ZNF365: variants seen among roughly 807,000 people sequenced by gnomAD.
ZNF365 encodes zinc finger protein 365.
A neutral mutation model predicts 35.0 loss-of-function variants in ZNF365; 22 were observed. The ratio of observed to expected loss-of-function variants is 0.63; its 90% CI spans 0.45 to 0.90. The LOEUF (loss-of-function observed/expected upper bound fraction) is 0.90, where lower values mean the gene tolerates loss of function less well. Ranked by LOEUF, ZNF365 falls within the 40% of genes least tolerant of loss-of-function variation. The pLI, the probability that ZNF365 is intolerant of heterozygous loss-of-function variation, is 0.00. For missense variants in ZNF365, 448 were observed against 500.3 expected (o/e 0.90, Z 1.00); for synonymous variants, 188 against 196.2 (o/e 0.96, Z 0.35).
intron 3 of ZNF365, among the ~76,000 whole-genome samples, chr10:62,459,032 A>G (rs942784840): frequency 6.6e-6 from 1 of 152,242 alleles, no homozygotes; most frequent in African/African-American, 2.4e-5. Context: ...TGTTGGATCT[A>G]AAACCTAACT....
chr10:62,444,240 G>A (rs1840547607), intron 3 of ZNF365, among the ~76,000 whole-genome samples: 1 of 152,136 alleles, frequency 6.6e-6, no homozygotes, highest in South Asian at 2.1e-4. Flanking sequence ...GCCCTGGGAG[G>A]CTGATCCCTG....
intron 4 of ZNF365, among the ~76,000 whole-genome samples, chr10:62,471,162 C>T (rs759450586): frequency 5.3e-5 from 8 of 151,934 alleles, no homozygotes; most frequent in African/African-American, 1.7e-4. Context: ...GTCAGGAGAT[C>T]GAGATCATCC....
intron 3 of ZNF365, among the ~76,000 whole-genome samples, chr10:62,420,024 T>G (rs1419040352): frequency 1.3e-5 from 2 of 152,174 alleles, no homozygotes; most frequent in Non-Finnish European, 2.9e-5. Flanking sequence ...AATGAGATTT[T>G]GTTTTATATT....
intron 3 of ZNF365, among the ~76,000 whole-genome samples, chr10:62,408,006 G>A (rs957334972): frequency 1.3e-5 from 2 of 152,172 alleles, no homozygotes; most frequent in Non-Finnish European, 2.9e-5. Flanking sequence ...AGCAGCCATA[G>A]AAAATGAGTA....
At chr10:62,476,086 T>C (rs1841125810) in intron 4 of ZNF365, among the ~76,000 whole-genome samples, 1 of 152,036 alleles carries the variant, frequency 6.6e-6, no homozygotes, top group Non-Finnish European at 1.5e-5. Flanking sequence ...GTTCTATGTC[T>C]ATTTTTTTGT....
chr10:62,463,515 G>A (rs529932533), intron 4 of ZNF365, among the ~76,000 whole-genome samples: 2 of 152,358 alleles, frequency 1.3e-5, no homozygotes, highest in African/African-American at 2.4e-5. Context: ...GGACAAATAT[G>A]TGCGGCTTTG....
chr10:62,395,979 A>G (rs1004083315), intron 3 of ZNF365, among the ~76,000 whole-genome samples: 2 of 152,176 alleles, frequency 1.3e-5, no homozygotes, highest in African/African-American at 4.8e-5. Context: ...AAAGAAGACA[A>G]AAGTGTTGGA....
rs1437576959 is a variant in ZNF365, at chr10:62,401,336, A to G, written c.*1547A>G. The G allele has an allele frequency of 1.0e-6, 1 of 985,440 alleles. No individual in the cohort carries two copies. Among genetic ancestry groups the G allele is most frequent in the Non-Finnish European group, 1.2e-6 (1 of 829,944 alleles). 61.0% of individuals were successfully genotyped at this position (985,440 alleles called of 1,614,324 possible). A position where few individuals can be genotyped will look rare whatever the true frequency, so the allele number is the denominator to read the frequency against. On this transcript the variant is annotated 3_prime_UTR_variant, in exon 5 of 5. Coordinates refer to ENST00000395254, the MANE Select transcript of ZNF365 (RefSeq NM_014951.3). ...GCAGAATTATGATTGTTACTGCAAT[A>G]AGCATCAAATTAGCAGCGCATTAAA... is the stretch of plus-strand genomic sequence containing the variant.
At position 62,376,679 on chromosome 10, in the gene ZNF365, A is replaced by G. The variant is rs1318494409; in HGVS notation, c.486A>G (p.Arg162=). Residue 162 remains arginine (R), a synonymous_variant, in exon 2 of 5, where the codon AGA becomes AGG. Coordinates refer to ENST00000395254, the MANE Select transcript of ZNF365 (RefSeq NM_014951.3). The part of the protein sequence containing the change: ...DTKASFEAHV[R]EKFNRMVEAV... ...AAGCTTCTTTCGAGGCACATGTCAGAGAAAAATTCAATCGAATGGTTGAGG... is the reference window on the plus strand; with the variant it reads ...AAGCTTCTTTCGAGGCACATGTCAGGGAAAAATTCAATCGAATGGTTGAGG... 1 of 1,614,190 alleles carries G rather than the reference A, an allele frequency of 6.2e-7. No individual in the cohort carries two copies. The highest frequency in any genetic ancestry group is 8.5e-7 in the Non-Finnish European group (1 of 1,180,032).
At chr10:62,407,462 G>A (rs191898486) in intron 3 of ZNF365, among the ~76,000 whole-genome samples, 15 of 152,220 alleles carry the variant, frequency 9.9e-5, no homozygotes, top group Admixed American at 2.6e-4. Flanking sequence ...TAAAGAATGC[G>A]GTTCCCACAT....
intron 3 of ZNF365, among the ~76,000 whole-genome samples, chr10:62,416,959 T>C (rs987916486): frequency 6.6e-6 from 1 of 152,074 alleles, no homozygotes; most frequent in Admixed American, 6.6e-5. Flanking sequence ...CTTGAAGGCA[T>C]GTTTCTCAGT....
In ZNF365 at chr10:62,400,689, C is replaced by T. The variant is rs937239833; in HGVS notation, c.*900C>T. 4.7e-5 allele frequency: 46 copies of T among 985,468 alleles called. No individual in the cohort carries two copies. The highest frequency in any genetic ancestry group is 5.2e-5 in the Non-Finnish European group (43 of 830,030). 61.0% of individuals were successfully genotyped at this position (985,468 alleles called of 1,614,324 possible). A position where few individuals can be genotyped will look rare whatever the true frequency, so the allele number is the denominator to read the frequency against. On this transcript the variant is annotated 3_prime_UTR_variant, in exon 5 of 5. Transcript: ENST00000395254. The stretch of plus-strand genomic sequence containing the variant: ...GGAAGCACTGCGGGTGTCGCCAAGC[C>T]CTTTCCTAAGACCTGCTTCCCGGCC...
chr10:62,406,476 C>T (rs547235487), downstream of ZNF365, among the ~76,000 whole-genome samples: 6 of 152,246 alleles, frequency 3.9e-5, no homozygotes, highest in East Asian at 9.7e-4. Context: ...CAAGTCTGTA[C>T]CTTTTATCCC....
chr10:62,444,523 T>C (rs530018350), intron 3 of ZNF365, among the ~76,000 whole-genome samples: 37 of 152,122 alleles, frequency 2.4e-4, no homozygotes, highest in African/African-American at 8.9e-4. Context: ...AGGCTGGTAA[T>C]AGCCTCCTAT....
intron 4 of ZNF365, among the ~76,000 whole-genome samples, chr10:62,474,998 A>G (rs1436953286): frequency 9.2e-5 from 14 of 152,366 alleles, no homozygotes; most frequent in Admixed American, 9.1e-4. Context: ...CCTTTTGGAC[A>G]ATGCCTCTTG....
At chr10:62,443,831 C>G (rs899481600) in intron 3 of ZNF365, among the ~76,000 whole-genome samples, 1 of 152,084 alleles carries the variant, frequency 6.6e-6, no homozygotes, top group Non-Finnish European at 1.5e-5. Flanking sequence ...GAACTAATGT[C>G]CCTGTGACCA....
intron 3 of ZNF365, among the ~76,000 whole-genome samples, chr10:62,415,633 G>A (rs970098110): frequency 1.3e-5 from 2 of 152,098 alleles, no homozygotes; most frequent in African/African-American, 4.8e-5. Context: ...TGAAAAGCAT[G>A]CTACTTTGTG....
intron 1 of ZNF365, among the ~76,000 whole-genome samples, chr10:62,374,739 C>T (rs531026422): frequency 5.8e-4 from 89 of 152,340 alleles, no homozygotes; most frequent in Non-Finnish European, 1.0e-3. Context: ...TCTTCATCAG[C>T]CCAGTGGACT....
At chr10:62,403,238 A>G (rs1839857271), downstream of ZNF365, among the ~76,000 whole-genome samples, 1 of 152,218 alleles carries the variant, frequency 6.6e-6, no homozygotes. Context: ...ATACAGTTAT[A>G]TTCATTAAGT....
Sources: allele counts gnomAD v4.1 joint callset (sites outside exome capture counted in the v4.1 genomes callset), GRCh38; gene constraint gnomAD v4.1.1; transcripts MANE v1.5; gene names NCBI Gene and HGNC (gene_info 2026-07-23, HGNC 2026-07-21).